The following PTCHD4 variants were observed in gnomAD, a reference collection of about 807,000 sequenced individuals.
The protein encoded by PTCHD4 is patched domain containing 4.
In PTCHD4, 33 loss-of-function variants were observed where a neutral mutation model predicts 58.1. The ratio of observed to expected loss-of-function variants is 0.57; its 90% CI spans 0.43 to 0.76. PTCHD4 has a LOEUF of 0.76. Among genes scored for constraint, PTCHD4 ranks in the 30% least tolerant of loss-of-function variants. The pLI is 0.00. For synonymous variants in PTCHD4, 478 were observed against 409.6 expected (o/e 1.17, Z -2.02); for missense variants, 1,058 against 1,027.1 (o/e 1.03, Z -0.41).
At chr6:48,010,721 A>G (rs1447045234) in intron 3 of PTCHD4, among the ~76,000 whole-genome samples, 1 of 151,978 alleles carries the variant, frequency 6.6e-6, no homozygotes, top group South Asian at 2.1e-4. Flanking sequence ...TACATTAGGT[A>G]TTTCTCCTAA....
At chr6:48,098,291 G>A (rs1229126814) in intron 1 of PTCHD4, among the ~76,000 whole-genome samples, 6 of 144,094 alleles carry the variant, frequency 4.2e-5, no homozygotes, top group African/African-American at 1.5e-4. Flanking sequence ...GTCAAGGATG[G>A]AGAAAAGTAA....
chr6:47,995,541 T>C (rs1018046801), intron 4 of PTCHD4, among the ~76,000 whole-genome samples: 9 of 152,224 alleles, frequency 5.9e-5, no homozygotes, highest in African/African-American at 2.2e-4. Context: ...CTTGTCAACA[T>C]GCTTAATGGG....
intron 4 of PTCHD4, among the ~76,000 whole-genome samples, chr6:47,920,456 A>C (rs544918976): frequency 1.3e-5 from 2 of 152,278 alleles, no homozygotes; most frequent in Admixed American, 1.3e-4. Flanking sequence ...AATTTGATAC[A>C]TTTTGAGATA....
chr6:47,914,760 CTA>C lies in PTCHD4; in HGVS notation c.899-34826_899-34825del, dbSNP rs1561954632. ...ATCTATCTATTATCTATCTATCTAT[CTA>C]TCTATCTATCTATCTATCTATCTAT... On this transcript the variant is annotated intron_variant, in intron 4 of 4. Transcript: ENST00000339488. 2.6e-4 allele frequency among the ~76,000 whole-genome samples: 39 copies of C among 148,204 alleles called. 1 individual carries two copies. The highest frequency in any genetic ancestry group is 9.3e-4 in the African/African-American group (36 of 38,564).
intron 4 of PTCHD4, among the ~76,000 whole-genome samples, chr6:47,990,455 G>T (rs552311318): frequency 6.6e-6 from 1 of 152,288 alleles, no homozygotes; most frequent in African/African-American, 2.4e-5. Context: ...TTGTGGGAGG[G>T]ACCCGGTGGG....
At chr6:48,104,436 G>T (rs1488673861) in intron 1 of PTCHD4, among the ~76,000 whole-genome samples, 2 of 152,138 alleles carry the variant, frequency 1.3e-5, no homozygotes, top group African/African-American at 4.8e-5. Flanking sequence ...TGCCCTAAAA[G>T]AGCTCCTGAA....
chr6:48,041,717 T>A (rs535633503), intron 3 of PTCHD4, among the ~76,000 whole-genome samples: 17 of 152,096 alleles, frequency 1.1e-4, no homozygotes, highest in African/African-American at 4.1e-4. Flanking sequence ...GGGTCATGCA[T>A]TTTTTTGTTT....
intron 4 of PTCHD4, among the ~76,000 whole-genome samples, chr6:47,887,691 T>A (rs556849079): frequency 1.3e-5 from 2 of 152,230 alleles, no homozygotes; most frequent in South Asian, 2.1e-4. Context: ...TGAGAGATGA[T>A]GAACTCTTTA....
chr6:48,090,765 G>T (rs1582129412), intron 1 of PTCHD4, among the ~76,000 whole-genome samples: 2 of 152,258 alleles, frequency 1.3e-5, no homozygotes, highest in South Asian at 2.1e-4. Flanking sequence ...ATCATTAAAA[G>T]AAGACACATG....
chr6:48,040,200 T>G (rs1385539052), intron 3 of PTCHD4, among the ~76,000 whole-genome samples: 1 of 152,154 alleles, frequency 6.6e-6, no homozygotes, highest in African/African-American at 2.4e-5. Context: ...GTAATAAGGT[T>G]GGTCTATCAA....
rs535830292 is a variant in PTCHD4 at position 47,878,995 on chromosome 6, C to T, written c.1840G>A (p.Asp614Asn). 1 of 1,613,284 alleles carries T rather than the reference C, an allele frequency of 6.2e-7. No homozygotes were observed. Among genetic ancestry groups the T allele is most frequent in the African/African-American group, 1.3e-5 (1 of 75,026 alleles). ...ACTTCTGTGATTTCTTTCTGCTTGTCTCTGCTAGTCCTGGCCACCAGATAC... is the reference window on the plus strand; with the variant it reads ...ACTTCTGTGATTTCTTTCTGCTTGTTTCTGCTAGTCCTGGCCACCAGATAC... The part of the protein sequence containing the change: ...RLYLVARTSR[D>N]KQKEITEVLE... The change falls in exon 5 of 5, where the codon GAC becomes AAC. Residue 614 changes from aspartate to asparagine, a missense_variant. Asp to Asn is a conservative substitution (Grantham distance 23). Coordinates refer to ENST00000339488, the MANE Select transcript of PTCHD4 (RefSeq NM_001384253.1).
At chr6:48,100,965 T>C (rs534180082) in intron 1 of PTCHD4, among the ~76,000 whole-genome samples, 201 of 152,100 alleles carry the variant, frequency 1.3e-3, no homozygotes, top group African/African-American at 4.3e-3. Context: ...TAATAAGCAA[T>C]TTAAAAATAC....
intron 4 of PTCHD4, chr6:47,901,013 G>C (rs1581849216): frequency 6.6e-6 from 1 of 150,856 alleles, no homozygotes; most frequent in African/African-American, 2.4e-5. Flanking sequence ...AATTAGCCGG[G>C]CGCGGTGGCG....
At chr6:48,012,149 A>C (rs1205273559) in intron 3 of PTCHD4, among the ~76,000 whole-genome samples, 1 of 152,108 alleles carries the variant, frequency 6.6e-6, no homozygotes, top group East Asian at 1.9e-4. Flanking sequence ...TGAATCTATA[A>C]ATTACTTTGG....
intron 3 of PTCHD4, among the ~76,000 whole-genome samples, chr6:48,051,474 GA>G (rs538577933): frequency 6.6e-6 from 1 of 151,818 alleles, no homozygotes; most frequent in Non-Finnish European, 1.5e-5. Flanking sequence ...ACACACTAGG[GA>G]AAAAAGACCA....
At chr6:48,004,887 A>T (rs1260974094) in intron 4 of PTCHD4, among the ~76,000 whole-genome samples, 3 of 152,308 alleles carry the variant, frequency 2.0e-5, no homozygotes, top group African/African-American at 7.2e-5. Flanking sequence ...ACTGAACTCC[A>T]GCCTGGGTGA....
intron 4 of PTCHD4, among the ~76,000 whole-genome samples, chr6:47,883,610 T>C (rs1295264445): frequency 6.6e-6 from 1 of 152,158 alleles, no homozygotes; most frequent in Non-Finnish European, 1.5e-5. Flanking sequence ...ATGGAATTAA[T>C]TGTATGGAGA....
Position 47,881,387 on chromosome 6 carries a change from C to G in PTCHD4, c.899-1451G>C, listed in dbSNP as rs556301272. Among the ~76,000 whole-genome samples the G allele has an allele frequency of 5.3e-5, 8 of 152,234 alleles. No individual in the cohort carries two copies. The South Asian group carries it at 1.7e-3, about 32-fold the overall frequency. On this transcript the variant is annotated intron_variant, in intron 4 of 4. Coordinates refer to ENST00000339488, the MANE Select transcript of PTCHD4 (RefSeq NM_001384253.1). ...GCCTAGTTTTCAACTAGAGGTGTTT[C>G]ATGTGACATAGTTCTGGACAATGCA...
intron 1 of PTCHD4, among the ~76,000 whole-genome samples, chr6:48,098,675 C>T (rs931015594): frequency 1.3e-5 from 2 of 152,044 alleles, no homozygotes; most frequent in Non-Finnish European, 2.9e-5. Flanking sequence ...TTTTTCTTGC[C>T]ATGATTATGC....
Sources: gnomAD v4.1 joint callset for allele counts (sites outside exome capture counted in the v4.1 genomes callset) on GRCh38, gnomAD v4.1.1 for gene constraint, MANE v1.5 for transcripts, NCBI Gene and HGNC (gene_info 2026-07-23, HGNC 2026-07-21) for gene names.